The following PAFAH1B1 variants were observed in gnomAD, a reference collection of about 807,000 sequenced individuals.
PAFAH1B1 encodes the protein platelet-activating factor acetylhydrolase IB subunit beta.
PAFAH1B1 carries 2 observed loss-of-function variants against 57.5 expected under a neutral mutation model. The ratio of observed to expected loss-of-function variants is 0.03; its 90% confidence interval spans 0.01 to 0.11. The LOEUF (loss-of-function observed/expected upper bound fraction) is 0.11. Among genes scored for constraint, PAFAH1B1 ranks in the 10% least tolerant of loss-of-function variants. The pLI is 1.00. For missense variants in PAFAH1B1, 257 were observed against 512.0 expected, an observed-to-expected ratio of 0.50 and a Z score of 4.81; for synonymous variants, 152 against 169.6, an observed-to-expected ratio of 0.90 and a Z score of 0.81.
chr17:2,602,801 G>A (rs1301393306), intron 1 of PAFAH1B1, among the ~76,000 whole-genome samples: 1 of 152,178 alleles, frequency 6.6e-6, no homozygotes, highest in Non-Finnish European at 1.5e-5. Flanking sequence ...TGCTTTACAA[G>A]TATTCGTTTA....
chr17:2,618,945 A>G (rs1597523490), intron 1 of PAFAH1B1, among the ~76,000 whole-genome samples: 4 of 116,920 alleles, frequency 3.4e-5, no homozygotes, highest in Admixed American at 2.8e-4. Context: ...ATGGAGTGAG[A>G]CTCCGTCTCA....
intron 2 of PAFAH1B1, among the ~76,000 whole-genome samples, chr17:2,643,542 C>A (rs752033301): frequency 1.4e-4 from 21 of 148,858 alleles, no homozygotes; most frequent in Non-Finnish European, 2.8e-4. Flanking sequence ...AAGTGTGAGC[C>A]AACACACCTG....
At chr17:2,663,028 G>A (rs1161873424) in intron 2 of PAFAH1B1, among the ~76,000 whole-genome samples, 1 of 152,134 alleles carries the variant, frequency 6.6e-6, no homozygotes, top group Admixed American at 6.5e-5. Flanking sequence ...CAGGAGAATC[G>A]CTTGAACCTG....
intron 8 of PAFAH1B1, 90 bp downstream of exon 8, chr17:2,674,378 ATGCAT>A: frequency 2.2e-6 from 2 of 915,886 alleles, no homozygotes; most frequent in Non-Finnish European, 1.8e-6. Context: ...AGGGCTGTTA[ATGCAT>A]TTAAAAATCT....
chr17:2,624,144 G>T (rs112173588), intron 1 of PAFAH1B1, among the ~76,000 whole-genome samples: 2,229 of 152,192 alleles, frequency 0.015, 69 homozygotes, highest in African/African-American at 0.052. Context: ...AGTTCCCAAC[G>T]AACTCCTCAT....
intron 1 of PAFAH1B1, among the ~76,000 whole-genome samples, chr17:2,618,109 G>A (rs1352109514): frequency 6.6e-6 from 1 of 152,016 alleles, no homozygotes; most frequent in African/African-American, 2.4e-5. Flanking sequence ...TTAGCTGGGC[G>A]TGGTGGTGGG....
chr17:2,634,209 C>G (rs1213169495), intron 1 of PAFAH1B1, among the ~76,000 whole-genome samples: 1 of 152,030 alleles, frequency 6.6e-6, no homozygotes, highest in Admixed American at 6.6e-5. Flanking sequence ...AATTTCAGCT[C>G]AACTGCAACC....
At chr17:2,638,428 A>G in intron 2 of PAFAH1B1, 108 bp downstream of exon 2, 1 of 870,848 alleles carries the variant, frequency 1.1e-6, no homozygotes, top group South Asian at 1.4e-5. Flanking sequence ...AACTATTTTT[A>G]CCAGTGTTCC....
At chr17:2,595,401 T>G (rs1285918055) in intron 1 of PAFAH1B1, among the ~76,000 whole-genome samples, 1 of 149,382 alleles carries the variant, frequency 6.7e-6, no homozygotes, top group African/African-American at 2.5e-5. Context: ...ATCCCTCCCT[T>G]TTTGCCACAG....
At chr17:2,681,063 C>A (rs1403381987) in intron 10 of PAFAH1B1, 1 of 153,922 alleles carries the variant, frequency 6.5e-6, no homozygotes, top group Non-Finnish European at 1.4e-5. Context: ...CTAAGTGCAG[C>A]ATCAATATGG....
At chr17:2,602,291 G>A (rs1486456496) in intron 1 of PAFAH1B1, among the ~76,000 whole-genome samples, 1 of 151,564 alleles carries the variant, frequency 6.6e-6, no homozygotes, top group Non-Finnish European at 1.5e-5. Context: ...CAATTTGAGA[G>A]TTTAAACAGG....
chr17:2,624,646 G>A (rs8074698), intron 1 of PAFAH1B1, among the ~76,000 whole-genome samples: 1 of 151,936 alleles, frequency 6.6e-6, no homozygotes, highest in Admixed American at 6.6e-5. Context: ...GTTACCTCCC[G>A]CTGGGTCCCT....
chr17:2,627,783 TG>T (rs999003963), intron 1 of PAFAH1B1, among the ~76,000 whole-genome samples: 1 of 152,194 alleles, frequency 6.6e-6, no homozygotes, highest in Non-Finnish European at 1.5e-5. Context: ...TAGTTTTCCT[TG>T]TAGATGTCTT....
chr17:2,611,750 A>G, intron 1 of PAFAH1B1, among the ~76,000 whole-genome samples: 1 of 152,216 alleles, frequency 6.6e-6, no homozygotes. Context: ...TAGGATGCCT[A>G]CAGTAGTTGT....
chr17:2,685,577 T>C lies in PAFAH1B1; in HGVS notation c.*3775T>C, dbSNP rs981434299. 3.9e-5 allele frequency: 6 copies of C among 151,950 alleles called. No individual in the cohort carries two copies. Among genetic ancestry groups the C allele is most frequent in the South Asian group, 2.1e-4 (1 of 4,822 alleles). The allele number at this position is 151,950 out of a possible 1,614,324, so 9.4% of individuals were successfully genotyped here. A position where few individuals can be genotyped will look rare whatever the true frequency, so the allele number is the denominator to read the frequency against. On this transcript the variant is annotated 3_prime_UTR_variant, in exon 11 of 11. Coordinates refer to ENST00000397195, the MANE Select transcript of PAFAH1B1 (RefSeq NM_000430.4). Reference sequence around the variant, plus strand: ...GTTTTCTGCATATTAAAAAATCTTATTGTACCAACTGGTAAACTATTAAAT... The same window carrying C: ...GTTTTCTGCATATTAAAAAATCTTACTGTACCAACTGGTAAACTATTAAAT...
At position 2,595,071 on chromosome 17, in the gene PAFAH1B1, C is replaced by T. The variant is rs189037063; in HGVS notation, c.-191+1065C>T. Among the ~76,000 whole-genome samples, 179 of 152,268 alleles carry T rather than the reference C, an allele frequency of 1.2e-3. 3 individuals carry two copies. Among genetic ancestry groups the T allele is most frequent in the African/African-American group, 3.9e-3 (164 of 41,546 alleles). On this transcript the variant is annotated intron_variant, in intron 1 of 10. Coordinates refer to ENST00000397195, the MANE Select transcript of PAFAH1B1 (RefSeq NM_000430.4). ...GGGTTTGGGCCCAATTTATATCAGT[C>T]TTTTGGTTAAGAAAATACGCCTTTG...
At chr17:2,623,299 T>C (rs914579524) in intron 1 of PAFAH1B1, among the ~76,000 whole-genome samples, 19 of 128,478 alleles carry the variant, frequency 1.5e-4, no homozygotes, top group Non-Finnish European at 2.8e-4. Context: ...AGAGGGAGTC[T>C]CACTCTGTCG....
chr17:2,642,473 C>G (rs1010294027), intron 2 of PAFAH1B1: 2 of 152,116 alleles, frequency 1.3e-5, no homozygotes, highest in Admixed American at 6.6e-5. Context: ...ATTTATGAAA[C>G]AAATGAATTT....
chr17:2,671,182 A>G (rs771419805), intron 6 of PAFAH1B1, among the ~76,000 whole-genome samples: 1 of 152,008 alleles, frequency 6.6e-6, no homozygotes, highest in Non-Finnish European at 1.5e-5. Flanking sequence ...AATTCCACGC[A>G]TGAACACTGT....
Sources: allele counts gnomAD v4.1 joint callset (sites outside exome capture counted in the v4.1 genomes callset), GRCh38; gene constraint gnomAD v4.1.1; transcripts MANE v1.5; gene names NCBI Gene and HGNC (gene_info 2026-07-23, HGNC 2026-07-21).